GFPT2: variants seen among roughly 807,000 people sequenced by gnomAD.
The protein encoded by GFPT2 is glutamine--fructose-6-phosphate transaminase 2, also known as glutamine--fructose-6-phosphate aminotransferase [isomerizing] 2.
Under a neutral mutation model 85.6 loss-of-function variants are expected in GFPT2, and 62 were observed. The observed-to-expected ratio is 0.72, with a 90% CI of 0.59 to 0.90. GFPT2 has a LOEUF of 0.90. Among genes scored for constraint, GFPT2 ranks in the 40% least tolerant of loss-of-function variants. GFPT2 has a pLI of 0.00. For missense variants in GFPT2, 788 were observed against 893.4 expected (o/e 0.88, Z 1.50); for synonymous variants, 368 against 344.5 (o/e 1.07, Z -0.75).
At chr5:180,303,046 G>A (rs1222877512) in intron 17 of GFPT2, among the ~76,000 whole-genome samples, 7 of 148,458 alleles carry the variant, frequency 4.7e-5, no homozygotes, top group South Asian at 2.2e-4. Context: ...TGGCTAACAT[G>A]GTGAAACCCT....
Position 180,338,612 on chromosome 5 carries a change from G to T in GFPT2, c.8-12C>A. 2 of 1,459,574 alleles carry T rather than the reference G, an allele frequency of 1.4e-6. No individual in the cohort carries two copies. Among genetic ancestry groups the T allele is most frequent in the Non-Finnish European group, 9.6e-7 (1 of 1,044,730 alleles). The allele number at this position is 1,459,574 out of a possible 1,614,324, so 90.4% of individuals were successfully genotyped here. A position where few individuals can be genotyped will look rare whatever the true frequency, so the allele number is the denominator to read the frequency against. ...GTAGGCAAAGATTCCTGTTCAAAGA[G>T]AAAAAAATGGTGCATTCATAAAATA... On this transcript the variant is annotated splice_polypyrimidine_tract_variant and intron_variant, in intron 1 of 18. Transcript: ENST00000253778.
In GFPT2 at chr5:180,327,715, C is replaced by A. The variant is rs548732934; in HGVS notation, c.596+562G>T. 7.6e-4 allele frequency among the ~76,000 whole-genome samples: 115 copies of A among 152,284 alleles called. 1 individual carries two copies. Among genetic ancestry groups the A allele is most frequent in the African/African-American group, 2.7e-3 (114 of 41,540 alleles). On this transcript the variant is annotated intron_variant, in intron 7 of 18. Coordinates refer to ENST00000253778, the MANE Select transcript of GFPT2 (RefSeq NM_005110.4). Reference sequence around the variant, plus strand: ...ACCTATGTGAATATAAACAGGATGGCACTTAACCTGCTTCTGTAAATCCAT... The same window carrying A: ...ACCTATGTGAATATAAACAGGATGGAACTTAACCTGCTTCTGTAAATCCAT...
rs762047611 is a variant in GFPT2, at chr5:180,338,499, A to T, written c.109T>A (p.Ser37Thr). Residue 37 changes from serine to threonine, a missense_variant, in exon 2 of 19, where the codon TCG becomes ACG. Ser to Thr is a moderately conservative substitution (Grantham distance 58). Coordinates refer to ENST00000253778, the MANE Select transcript of GFPT2 (RefSeq NM_005110.4). ...LQRLEYRGYD[S>T]AGVAIDGNNH... ...CGGGCGGCCGCACACCCACCTGCCG[A>T]GTCGTAGCCTCTGTACTCCAGCCGC... 1 of 1,594,050 alleles carries T rather than the reference A, an allele frequency of 6.3e-7. No homozygotes were observed. The highest frequency in any genetic ancestry group is 2.2e-5 in the East Asian group (1 of 44,678).
intron 17 of GFPT2, among the ~76,000 whole-genome samples, chr5:180,304,029 T>G (rs1011692223): frequency 6.6e-6 from 1 of 152,064 alleles, no homozygotes; most frequent in Non-Finnish European, 1.5e-5. Context: ...ACATGGCCAA[T>G]GGTTCACTCC....
Position 180,353,297 on chromosome 5 carries a change from G to T in GFPT2, c.-80C>A. ...CTGGGGCTCCTCCGTGGGCTCCTCC[G>T]TGGGCTCCGTGGGCTCCGTGGGCTC... On this transcript the variant is annotated 5_prime_UTR_variant, in exon 1 of 19. Coordinates refer to ENST00000253778, the MANE Select transcript of GFPT2 (RefSeq NM_005110.4). 3.8e-6 allele frequency: 1 copy of T among 266,496 alleles called. No homozygotes were observed. Among genetic ancestry groups the T allele is most frequent in the Non-Finnish European group, 5.0e-6 (1 of 198,982 alleles). 16.5% of individuals were successfully genotyped at this position (266,496 alleles called of 1,614,324 possible).
chr5:180,318,978 T>C lies in GFPT2; in HGVS notation c.795-22A>G. 6.2e-7 allele frequency: 1 copy of C among 1,608,820 alleles called. No homozygotes were observed. Among genetic ancestry groups the C allele is most frequent in the Non-Finnish European group, 8.5e-7 (1 of 1,179,052 alleles). On this transcript the variant is annotated intron_variant, in intron 9 of 18. Coordinates refer to ENST00000253778, the MANE Select transcript of GFPT2 (RefSeq NM_005110.4). The surrounding 1 kb of genome is among the most constrained non-coding windows in gnomAD (Gnocchi z 4.2). ...AGCGCTGGGGCAAGGGAAACAGGCA[T>C]CATCAGTGCCCTGCCCTGAGCAGTT...
rs4700934 is a variant in GFPT2 at position 180,312,116 on chromosome 5, A to G, written c.1546+314T>C. 2.0e-3 allele frequency among the ~76,000 whole-genome samples: 177 copies of G among 90,156 alleles called. 28 individuals are homozygous for G. The highest frequency in any genetic ancestry group is 0.011 in the Middle Eastern group (2 of 174). 59.1% of individuals were successfully genotyped at this position (90,156 alleles called of 152,430 possible). A position where few individuals can be genotyped will look rare whatever the true frequency, so the allele number is the denominator to read the frequency against. On this transcript the variant is annotated intron_variant, in intron 15 of 18. Transcript: ENST00000253778. ...CAGGGAGGCTGAGGACCAGGGAGGC[A>G]GGGAGGCGGGGAGGCTGAGGACCAG...
chr5:180,336,871 C>A lies in GFPT2; in HGVS notation c.116-294G>T, dbSNP rs141986869. Among the ~76,000 whole-genome samples the A allele has an allele frequency of 7.0e-3, 1,067 of 152,378 alleles. 7 individuals are homozygous for A. The highest frequency in any genetic ancestry group is 0.01 in the Non-Finnish European group (701 of 68,034). ...CCCGCTGCAGGCGCTCCCAGGCCCT[C>A]GGCTGATGGCAATGGGCCCAGGCAG... On this transcript the variant is annotated intron_variant, in intron 2 of 18. Coordinates refer to ENST00000253778, the MANE Select transcript of GFPT2 (RefSeq NM_005110.4).
chr5:180,316,003 CAT>C (rs1763999267), intron 13 of GFPT2, among the ~76,000 whole-genome samples: 1 of 152,234 alleles, frequency 6.6e-6, no homozygotes, highest in Admixed American at 6.5e-5. Context: ...TTTCTATTAA[CAT>C]AAATCAGCAA....
At chr5:180,345,571 A>G (rs1222761439) in intron 1 of GFPT2, among the ~76,000 whole-genome samples, 3 of 152,226 alleles carry the variant, frequency 2.0e-5, no homozygotes, top group Non-Finnish European at 4.4e-5. Flanking sequence ...CTCCAGCCAC[A>G]TAGCCCTGGT....
chr5:180,325,147 GGGCCTCCTCCAGTCCA>G (rs1421134251), intron 7 of GFPT2, among the ~76,000 whole-genome samples: 1 of 152,124 alleles, frequency 6.6e-6, no homozygotes, highest in African/African-American at 2.4e-5. Flanking sequence ...CTCCTAGGCC[GGGCCTCCTCCAGTCCA>G]GTCAAGTCCC....
intron 11 of GFPT2, 43 bp downstream of exon 11, chr5:180,316,920 G>C (rs774886135): frequency 3.8e-6 from 6 of 1,562,906 alleles, no homozygotes; most frequent in Non-Finnish European, 5.3e-6. Context: ...CATTCCCTGA[G>C]ACTAGGCTCG....
chr5:180,327,250 C>T (rs1177201816), intron 7 of GFPT2, among the ~76,000 whole-genome samples: 1 of 152,196 alleles, frequency 6.6e-6, no homozygotes, highest in Non-Finnish European at 1.5e-5. Flanking sequence ...CTCCACTCCC[C>T]ACAGCCTTTG....
At chr5:180,319,913 A>G (rs975777652) in intron 9 of GFPT2, among the ~76,000 whole-genome samples, 1 of 151,188 alleles carries the variant, frequency 6.6e-6, no homozygotes, top group Non-Finnish European at 1.5e-5. Flanking sequence ...AGTTTCTTAC[A>G]CACACACACA....
At position 180,318,851 on chromosome 5, in the gene GFPT2, A is replaced by C. The variant is rs778489438; in HGVS notation, c.900T>G (p.Ser300Arg). ...TCTGGATGGCTCGAGATGGGTCATC[A>C]CTGGCCGAGCGCTTGACCCGGTGAA... ...LSIHRVKRSA[S>R]DDPSRAIQTL... The change falls in exon 10 of 19, where the codon AGT (serine) becomes AGG (arginine). Residue 300 changes from serine (S) to arginine (R), a missense_variant. Ser to Arg is a moderately radical substitution (Grantham distance 110). Transcript: ENST00000253778. The surrounding 1 kb of genome is among the most constrained non-coding windows in gnomAD (Gnocchi z 4.2). 6.2e-7 allele frequency: 1 copy of C among 1,614,030 alleles called. No individual in the cohort carries two copies. The highest frequency in any genetic ancestry group is 8.5e-7 in the Non-Finnish European group (1 of 1,179,960).
intron 1 of GFPT2, among the ~76,000 whole-genome samples, chr5:180,343,991 G>C (rs1438616832): frequency 6.6e-6 from 1 of 152,226 alleles, no homozygotes; most frequent in Non-Finnish European, 1.5e-5. Flanking sequence ...CACGTGCGAG[G>C]ACAGCTGCTC....
chr5:180,338,265 G>A (rs907539864), intron 2 of GFPT2, among the ~76,000 whole-genome samples: 2 of 152,076 alleles, frequency 1.3e-5, no homozygotes, highest in African/African-American at 4.8e-5. Flanking sequence ...TCCTGATGGG[G>A]GGACTTCTGA....
Position 180,318,659 on chromosome 5 carries a change from C to A in GFPT2, c.958+134G>T. On this transcript the variant is annotated intron_variant, in intron 10 of 18. Transcript: ENST00000253778. This position sits in a 1 kb window ranked among gnomAD's most constrained non-coding sequence, Gnocchi z 4.2. ...CCTCACCTGTGCAAGCCACAGGCTACCTGCAGCCCCGCCCTGGTGGCCACA... is the reference window on the plus strand; with the variant it reads ...CCTCACCTGTGCAAGCCACAGGCTAACTGCAGCCCCGCCCTGGTGGCCACA... 1 of 739,464 alleles carries A rather than the reference C, an allele frequency of 1.4e-6. No individual in the cohort carries two copies. 45.8% of individuals were successfully genotyped at this position (739,464 alleles called of 1,614,324 possible). A position where few individuals can be genotyped will look rare whatever the true frequency, so the allele number is the denominator to read the frequency against.
chr5:180,337,289 C>A (rs1191687206), intron 2 of GFPT2, among the ~76,000 whole-genome samples: 2 of 152,064 alleles, frequency 1.3e-5, no homozygotes, highest in Non-Finnish European at 2.9e-5. Flanking sequence ...CCCGTCTCTA[C>A]TAAAAGTACA....
Sources: allele counts gnomAD v4.1 joint callset (sites outside exome capture counted in the v4.1 genomes callset), GRCh38; gene constraint gnomAD v4.1.1; non-coding constraint Gnocchi (gnomAD v3.1); transcripts MANE v1.5; gene names NCBI Gene and HGNC (gene_info 2026-07-23, HGNC 2026-07-21).